Variants in GLI1 observed in about 807,000 individuals in gnomAD.
GLI1 encodes the protein transcription activator GLI1.
GLI1 carries 51 observed loss-of-function variants against 87.8 expected under a neutral mutation model. The observed-to-expected ratio is 0.58, with a 90% CI of 0.46 to 0.73. The LOEUF (loss-of-function observed/expected upper bound fraction) is 0.73. Ranked by LOEUF, GLI1 falls within the 30% of genes least tolerant of loss-of-function variation. The pLI, the probability that GLI1 is intolerant of heterozygous loss-of-function variation, is 0.00. For missense variants in GLI1, 1,292 were observed against 1,437.2 expected (o/e 0.90, Z 1.63); for synonymous variants, 528 against 558.2 (o/e 0.95, Z 0.76).
chr12:57,470,217 TTACCCC>T, intron 11 of GLI1, 94 bp from the exon 12 acceptor site: 2 of 867,036 alleles, frequency 2.3e-6, no homozygotes, highest in Non-Finnish European at 3.7e-6. Context: ...GATAACGAGC[TTACCCC>T]TGAGAATCCA....
Position 57,470,480 on chromosome 12 carries a change from C to T in GLI1, c.1740C>T (p.Gly580=). 6.2e-7 allele frequency: 1 copy of T among 1,614,118 alleles called. No homozygotes were observed. The highest frequency in any genetic ancestry group is 8.5e-7 in the Non-Finnish European group (1 of 1,179,976). The change falls in exon 12 of 12, where the codon GGC becomes GGT. Residue 580 remains glycine, a synonymous_variant. Transcript: ENST00000228682. ...AGAATGGAGCATCCTCCCTGCCTGG[C>T]CTTATGCCTGCCCAGCACTACCTGC... ...PPENGASSLP[G]LMPAQHYLLR...
At position 57,466,252 on chromosome 12, in the gene GLI1, G is replaced by C. The variant is rs775119859; in HGVS notation, c.775G>C (p.Glu259Gln). Residue 259 changes from glutamate to glutamine, a missense_variant, in exon 8 of 12, where the codon GAG becomes CAG. Transcript: ENST00000228682. The stretch of plus-strand genomic sequence containing the variant: ...TCTTCTCCCTCAGCACATCAACAGC[G>C]AGCACATCCACGGGGAGCGGAAGGA... ...QEQLVHHINS[E>Q]HIHGERKEFV... is the part of the protein sequence containing the mutation. The C allele has an allele frequency of 1.2e-6, 2 of 1,613,266 alleles. No homozygotes were observed. The highest frequency in any genetic ancestry group is 2.2e-5 in the South Asian group (2 of 91,014).
Position 57,464,052 on chromosome 12 carries a change from A to T in GLI1, c.154A>T (p.Ser52Cys). The T allele has an allele frequency of 6.2e-7, 1 of 1,613,750 alleles. No homozygotes were observed. The highest frequency in any genetic ancestry group is 8.5e-7 in the Non-Finnish European group (1 of 1,179,702). Residue 52 changes from serine to cysteine, a missense_variant, in exon 3 of 12, where the codon AGT becomes TGT. Transcript: ENST00000228682. ...AGCTAACCTCATGTCCGGCCCCCAC[A>T]GTTATGGGCCAGCCAGAGAGACCAA... ...HQANLMSGPH[S>C]YGPARETNSC...
intron 11 of GLI1, 87 bp downstream of exon 11, chr12:57,469,785 C>A: frequency 1.7e-6 from 2 of 1,167,418 alleles, no homozygotes; most frequent in South Asian, 1.3e-5. Flanking sequence ...TGAGGGCTGT[C>A]ACACAGCACT....
chr12:57,461,497 T>C (rs888051729), intron 1 of GLI1, among the ~76,000 whole-genome samples: 9 of 152,328 alleles, frequency 5.9e-5, no homozygotes, highest in Non-Finnish European at 1.0e-4. Flanking sequence ...CCCAGTCACT[T>C]TCTCTGCTTT....
In GLI1 at chr12:57,471,264, C is replaced by T. The variant is rs61734542; in HGVS notation, c.2524C>T (p.Pro842Ser). The change falls in exon 12 of 12, where the codon CCA (proline) becomes TCA (serine). Residue 842 changes from proline to serine, a missense_variant. By Grantham distance (74) the Pro-to-Ser change is moderately conservative (BLOSUM62 -1). Around this residue, in one of 3 missense-constraint regions of GLI1, gnomAD observed 897 missense variants for 1,040.7 expected, o/e 0.86. Coordinates refer to ENST00000228682, the MANE Select transcript of GLI1 (RefSeq NM_005269.3). The surrounding 1 kb of genome is among the most constrained non-coding windows in gnomAD (Gnocchi z 4.9). Reference protein sequence around the residue: ...CLNAHPSEGPPHPQPLFSHYP... With the variant: ...CLNAHPSEGPSHPQPLFSHYP... ...CAATGCCCACCCCAGTGAGGGGCCC[C>T]CACATCCACAGCCTCTCTTTTCCCA... 428 of 1,600,336 alleles carry T rather than the reference C, an allele frequency of 2.7e-4. No individual in the cohort carries two copies. Among genetic ancestry groups the T allele is most frequent in the Middle Eastern group, 2.0e-3 (12 of 5,970 alleles).
Position 57,465,935 on chromosome 12 carries a change from AG to A in GLI1, c.762+15del. The A allele has an allele frequency of 1.2e-6, 2 of 1,612,156 alleles. No homozygotes were observed. The highest frequency in any genetic ancestry group is 8.5e-7 in the Non-Finnish European group (1 of 1,178,322). ...AGAGCAGCTGGTGCACGTGAGCCCC[AG>A]GGGGTAACAGGAATGGCTAGCCAGA... On this transcript the variant is annotated intron_variant, in intron 7 of 11. Coordinates refer to ENST00000228682, the MANE Select transcript of GLI1 (RefSeq NM_005269.3).
At chr12:57,467,288 G>A in intron 8 of GLI1, 45 bp from the exon 9 acceptor site, 2 of 1,509,376 alleles carry the variant, frequency 1.3e-6, no homozygotes, top group Non-Finnish European at 1.8e-6. Flanking sequence ...CCATCTCCAT[G>A]TCCTCTGTCT....
intron 7 of GLI1, 101 bp downstream of exon 7, chr12:57,466,026 T>A: frequency 8.4e-7 from 1 of 1,196,540 alleles, no homozygotes; most frequent in Non-Finnish European, 1.2e-6. Context: ...CAGAGGAGAC[T>A]GAGGTTGAAT....
chr12:57,470,454 G>A lies in GLI1; in HGVS notation c.1714G>A (p.Glu572Lys), dbSNP rs759589302. ...TCCTTTCCCCCCTGGCTCCCCACCA[G>A]AGAATGGAGCATCCTCCCTGCCTGG... ...ASPFPPGSPP[E>K]NGASSLPGLM... The change falls in exon 12 of 12, where the codon GAG (glutamate) becomes AAG (lysine). Residue 572 changes from glutamate to lysine, a missense_variant. By Grantham distance (56) the Glu-to-Lys change is moderately conservative. Transcript: ENST00000228682. The A allele has an allele frequency of 6.2e-7, 1 of 1,614,022 alleles. No individual in the cohort carries two copies. The highest frequency in any genetic ancestry group is 8.5e-7 in the Non-Finnish European group (1 of 1,180,022).
In GLI1 at chr12:57,467,149, A is replaced by G. The variant is rs562264826; in HGVS notation, c.913-184A>G. 8.5e-5 allele frequency among the ~76,000 whole-genome samples: 13 copies of G among 152,178 alleles called. No individual in the cohort carries two copies. In the South Asian group the frequency reaches 2.7e-3, roughly 32 times the overall value. ...TATTCCCAAAGGGAGAGTGCCTCCA[A>G]CTGCTTCCCTTCTCCAAGTTCTTGC... On this transcript the variant is annotated intron_variant, in intron 8 of 11. Transcript: ENST00000228682.
At chr12:57,465,082 C>T (rs762574719) in intron 4 of GLI1, 29 bp from the exon 5 acceptor site, 2 of 1,611,572 alleles carry the variant, frequency 1.2e-6, no homozygotes, top group African/African-American at 2.7e-5. Context: ...TCCTAATTGT[C>T]TTAAGTAACT....
rs1011562831 is a variant in GLI1 at position 57,464,558 on chromosome 12, A to C, written c.194-115A>C. 26 of 686,062 alleles carry C rather than the reference A, an allele frequency of 3.8e-5. No homozygotes were observed. The African/African-American group carries it at 3.8e-4, about 10-fold the overall frequency. 42.5% of individuals were successfully genotyped at this position (686,062 alleles called of 1,614,324 possible). On this transcript the variant is annotated intron_variant, in intron 3 of 11. Coordinates refer to ENST00000228682, the MANE Select transcript of GLI1 (RefSeq NM_005269.3). The stretch of plus-strand genomic sequence containing the variant: ...AAAAAAAAAAGTCACAGATAGCATC[A>C]ATAGGGCAAAGCAGAATCAAGTATC...
chr12:57,470,469 T>A lies in GLI1; in HGVS notation c.1729T>A (p.Ser577Thr). Residue 577 changes from serine (S) to threonine (T), a missense_variant, in exon 12 of 12, where the codon TCC (serine) becomes ACC (threonine). This residue lies in a region of GLI1 where 897 missense variants were observed against 1,040.7 expected (regional missense o/e 0.86). Coordinates refer to ENST00000228682, the MANE Select transcript of GLI1 (RefSeq NM_005269.3). ...PGSPPENGAS[S>T]LPGLMPAQHY... ...CTCCCCACCAGAGAATGGAGCATCC[T>A]CCCTGCCTGGCCTTATGCCTGCCCA... 6.2e-7 allele frequency: 1 copy of A among 1,614,110 alleles called. No homozygotes were observed. The highest frequency in any genetic ancestry group is 1.1e-5 in the South Asian group (1 of 91,080).
In GLI1 at chr12:57,467,480, C is replaced by A; in HGVS notation, c.1060C>A (p.Arg354=). The A allele has an allele frequency of 6.2e-7, 1 of 1,605,614 alleles. No homozygotes were observed. The highest frequency in any genetic ancestry group is 8.5e-7 in the Non-Finnish European group (1 of 1,173,088). ...NASDRAKHQN[R]THSNEKPYVC... ...CAGTGACCGAGCCAAGCACCAGAAT[C>A]GGACCCATTCCAATGAGGTGAATGC... Residue 354 remains arginine (R), a synonymous_variant, in exon 9 of 12, where the codon CGG becomes AGG. Transcript: ENST00000228682.
chr12:57,467,397 C>T lies in GLI1; in HGVS notation c.977C>T (p.Thr326Met), dbSNP rs754075170. 2.0e-5 allele frequency: 32 copies of T among 1,612,686 alleles called. No homozygotes were observed. The highest frequency in any genetic ancestry group is 6.7e-5 in the Admixed American group (4 of 59,970). ...CTGAAGACGCACCTGCGGTCACACA[C>T]GGGTGAGAAGCCATACATGTGTGAG... ...ENLKTHLRSH[T>M]GEKPYMCEHE... The change falls in exon 9 of 12, where the codon ACG (threonine) becomes ATG (methionine). Residue 326 changes from threonine (T) to methionine (M), a missense_variant. Thr to Met is a moderately conservative substitution (Grantham distance 81). Coordinates refer to ENST00000228682, the MANE Select transcript of GLI1 (RefSeq NM_005269.3).
chr12:57,469,741 A>G, intron 11 of GLI1, 43 bp downstream of exon 11: 1 of 1,594,954 alleles, frequency 6.3e-7, no homozygotes, highest in Admixed American at 1.7e-5. Context: ...TGAGATCTGG[A>G]CCTGCCCTGA....
Position 57,470,451 on chromosome 12 carries a change from C to A in GLI1, c.1711C>A (p.Pro571Thr), listed in dbSNP as rs1275055587. Residue 571 changes from proline to threonine, a missense_variant, in exon 12 of 12, where the codon CCA (proline) becomes ACA (threonine). Coordinates refer to ENST00000228682, the MANE Select transcript of GLI1 (RefSeq NM_005269.3). ...CTCTCCTTTCCCCCCTGGCTCCCCA[C>A]CAGAGAATGGAGCATCCTCCCTGCC... ...LASPFPPGSP[P>T]ENGASSLPGL... is the part of the protein sequence containing the mutation. The A allele has an allele frequency of 1.2e-6, 2 of 1,614,050 alleles. No individual in the cohort carries two copies. Among genetic ancestry groups the A allele is most frequent in the Non-Finnish European group, 1.7e-6 (2 of 1,180,018 alleles).
chr12:57,471,977 G>GC lies in GLI1; in HGVS notation c.3243dup (p.Asn1082GlnfsTer24), dbSNP rs1488325542. On this transcript the variant is annotated frameshift_variant, in exon 12 of 12. Transcript: ENST00000228682. LOFTEE classifies it high-confidence loss of function. This position sits in a 1 kb window ranked among gnomAD's most constrained non-coding sequence, Gnocchi z 4.9. ...CTGGACATACCCCACCTCCCTCTGG[G>GC]CCCCCCAACATGGCTGTGGGCAACA... is the stretch of plus-strand genomic sequence containing the variant. 5 of 1,592,314 alleles carry GC rather than the reference G, an allele frequency of 3.1e-6. No homozygotes were observed. The highest frequency in any genetic ancestry group is 4.5e-5 in the East Asian group (2 of 44,234).
Sources: gnomAD v4.1 joint callset for allele counts (sites outside exome capture counted in the v4.1 genomes callset) on GRCh38, gnomAD v4.1.1 for gene constraint, gnomAD v4.1.1 regional missense constraint, Gnocchi (gnomAD v3.1) non-coding constraint, MANE v1.5 for transcripts, NCBI Gene and HGNC (gene_info 2026-07-23, HGNC 2026-07-21) for gene names.